RCOR1: variants seen among roughly 807,000 people sequenced by gnomAD.
The protein encoded by RCOR1 is REST corepressor.
Under a neutral mutation model 64.0 loss-of-function variants are expected in RCOR1, and 12 were observed. The ratio of observed to expected loss-of-function variants is 0.19; its 90% CI spans 0.12 to 0.30. The LOEUF (loss-of-function observed/expected upper bound fraction) is 0.30. Among genes scored for constraint, RCOR1 ranks in the 10% least tolerant of loss-of-function variants. The pLI is 1.00. For missense variants in RCOR1, 502 were observed against 621.2 expected (o/e 0.81, Z 2.04); for synonymous variants, 279 against 227.2 (o/e 1.23, Z -2.05).
chr14:102,686,872 G>A (rs879873071), intron 3 of RCOR1, among the ~76,000 whole-genome samples: 2 of 152,170 alleles, frequency 1.3e-5, no homozygotes, highest in Non-Finnish European at 2.9e-5. Context: ...ACAGACTGAT[G>A]TCTTCTGTCG....
chr14:102,700,259 G>A (rs899085345), intron 3 of RCOR1, among the ~76,000 whole-genome samples: 1 of 150,496 alleles, frequency 6.6e-6, no homozygotes, highest in Non-Finnish European at 1.5e-5. Flanking sequence ...GTCTTGCTCT[G>A]TCACCAGGCT....
At chr14:102,681,245 G>C (rs1225812259) in intron 2 of RCOR1, among the ~76,000 whole-genome samples, 2 of 152,154 alleles carry the variant, frequency 1.3e-5, no homozygotes, top group African/African-American at 4.8e-5. Context: ...CCTTTAGAAT[G>C]AATAAGTCTG....
In RCOR1 at chr14:102,637,136, T is replaced by A. The variant is rs553565265; in HGVS notation, c.361+43811T>A. 2.3e-4 allele frequency among the ~76,000 whole-genome samples: 35 copies of A among 151,168 alleles called. 1 individual carries two copies. Among genetic ancestry groups the A allele is most frequent in the Admixed American group, 1.6e-3 (24 of 15,222 alleles). On this transcript the variant is annotated intron_variant, in intron 2 of 11. Transcript: ENST00000262241. ...GTTTGTTTGTTTGTTTTTTTATTTT[T>A]TTTTTTTTGAGACGGAGTCTTACTC...
intron 2 of RCOR1, among the ~76,000 whole-genome samples, chr14:102,659,622 ACT>A (rs1595217053): frequency 4.6e-5 from 7 of 152,092 alleles, no homozygotes; most frequent in South Asian, 4.2e-4. Flanking sequence ...CTTTAAGTAA[ACT>A]CTATTTATGA....
chr14:102,676,440 G>A (rs1292147952), intron 2 of RCOR1, among the ~76,000 whole-genome samples: 33 of 117,730 alleles, frequency 2.8e-4, no homozygotes, highest in African/African-American at 8.1e-4. Flanking sequence ...CTCACCTCCC[G>A]GACGGGGCGG....
chr14:102,670,867 G>A (rs767575233), intron 2 of RCOR1, among the ~76,000 whole-genome samples: 3 of 151,800 alleles, frequency 2.0e-5, no homozygotes, highest in Admixed American at 6.6e-5. Flanking sequence ...TCTGCCTCCC[G>A]GGTTCAAGCA....
At chr14:102,602,459 A>G (rs1893424170) in intron 2 of RCOR1, among the ~76,000 whole-genome samples, 1 of 145,652 alleles carries the variant, frequency 6.9e-6, no homozygotes, top group African/African-American at 2.6e-5. Context: ...CTAGAAATGC[A>G]GTGACGCAGT....
chr14:102,617,841 G>T (rs1018302421), intron 2 of RCOR1, among the ~76,000 whole-genome samples: 8 of 151,882 alleles, frequency 5.3e-5, no homozygotes, highest in Admixed American at 5.2e-4. Flanking sequence ...GCCTGCCTCG[G>T]CTTCCCACAG....
intron 3 of RCOR1, among the ~76,000 whole-genome samples, chr14:102,682,530 T>C (rs1035911113): frequency 2.6e-5 from 4 of 152,232 alleles, no homozygotes; most frequent in Non-Finnish European, 5.9e-5. Flanking sequence ...GCTAAATAAG[T>C]TTGCTTCCAT....
At chr14:102,662,684 C>G (rs1489072588) in intron 2 of RCOR1, 8 of 441,822 alleles carry the variant, frequency 1.8e-5, no homozygotes, top group Non-Finnish European at 3.0e-5. Flanking sequence ...GGGGCAGGAG[C>G]TTCCTTCTTT....
At chr14:102,653,647 C>T (rs542372508) in intron 2 of RCOR1, among the ~76,000 whole-genome samples, 4 of 152,012 alleles carry the variant, frequency 2.6e-5, no homozygotes, top group Admixed American at 2.6e-4. Flanking sequence ...GTGGATATCC[C>T]CCTTGGTGCT....
Position 102,592,717 on chromosome 14 carries a change from C to G in RCOR1, c.-170C>G, listed in dbSNP as rs546612962. ...TCGGCTCGTCGCTGGGGGCTTGAAGCGGCTCCGCGCTCTGCCCGTTTGGGC... is the reference window on the plus strand; with the variant it reads ...TCGGCTCGTCGCTGGGGGCTTGAAGGGGCTCCGCGCTCTGCCCGTTTGGGC... On this transcript the variant is annotated 5_prime_UTR_variant, in exon 1 of 12. Coordinates refer to ENST00000262241, the MANE Select transcript of RCOR1 (RefSeq NM_015156.4). 2 of 1,225,596 alleles carry G rather than the reference C, an allele frequency of 1.6e-6. No homozygotes were observed. Among genetic ancestry groups the G allele is most frequent in the African/African-American group, 3.1e-5 (2 of 63,918 alleles). 75.9% of individuals were successfully genotyped at this position (1,225,596 alleles called of 1,614,324 possible).
chr14:102,622,554 C>G (rs1893895751), intron 2 of RCOR1, among the ~76,000 whole-genome samples: 1 of 152,136 alleles, frequency 6.6e-6, no homozygotes, highest in Admixed American at 6.6e-5. Flanking sequence ...CCTTGATCTT[C>G]TTGGAACTTT....
intron 2 of RCOR1, among the ~76,000 whole-genome samples, chr14:102,602,403 T>C (rs1893422241): frequency 6.9e-6 from 1 of 145,062 alleles, no homozygotes; most frequent in Non-Finnish European, 1.5e-5. Flanking sequence ...TCTTTTTTTT[T>C]TTTTTTTTTT....
At chr14:102,595,564 T>C (rs1893224700) in intron 2 of RCOR1, among the ~76,000 whole-genome samples, 1 of 152,106 alleles carries the variant, frequency 6.6e-6, no homozygotes, top group Admixed American at 6.6e-5. Context: ...AGTATTGATA[T>C]TAAAATTTCC....
At chr14:102,616,258 G>A (rs1349834824) in intron 2 of RCOR1, among the ~76,000 whole-genome samples, 1 of 133,622 alleles carries the variant, frequency 7.5e-6, no homozygotes, top group African/African-American at 2.8e-5. Flanking sequence ...GTATGTGTGT[G>A]TGTGTATATA....
chr14:102,597,061 C>CG (rs1357146641), intron 2 of RCOR1, among the ~76,000 whole-genome samples: 2 of 146,750 alleles, frequency 1.4e-5, no homozygotes, highest in Non-Finnish European at 3.0e-5. Context: ...TTAGTAGAGA[C>CG]GGGGTTTCAC....
At chr14:102,634,652 G>GTA (rs747698453) in intron 2 of RCOR1, among the ~76,000 whole-genome samples, 42 of 144,288 alleles carry the variant, frequency 2.9e-4, no homozygotes, top group African/African-American at 6.5e-4. Flanking sequence ...ATATATATAT[G>GTA]TATATATATA....
intron 2 of RCOR1, 62 bp downstream of exon 2, chr14:102,593,387 G>C: frequency 7.0e-7 from 1 of 1,433,018 alleles, no homozygotes; most frequent in Admixed American, 3.0e-5. Context: ...TCCCCGGCGA[G>C]CCCGAGGGGG....
Sources: gnomAD v4.1 joint callset for allele counts (sites outside exome capture counted in the v4.1 genomes callset) on GRCh38, gnomAD v4.1.1 for gene constraint, MANE v1.5 for transcripts, NCBI Gene and HGNC (gene_info 2026-07-23, HGNC 2026-07-21) for gene names.